Variants in RBFOX1 observed in about 807,000 individuals in gnomAD.
RBFOX1 encodes RNA binding protein fox-1 homolog 1.
A neutral mutation model predicts 57.7 loss-of-function variants in RBFOX1; 8 were observed. The observed-to-expected ratio is 0.14, with a 90% CI of 0.08 to 0.25. RBFOX1 has a LOEUF of 0.25. Among genes scored for constraint, RBFOX1 ranks in the 10% least tolerant of loss-of-function variants. RBFOX1 has a pLI of 1.00. For synonymous variants in RBFOX1, 326 were observed against 222.4 expected (o/e 1.47, Z -4.15); for missense variants, 611 against 548.5 (o/e 1.11, Z -1.14).
Position 7,126,261 on chromosome 16 carries a change from C to T in RBFOX1, c.27+74163C>T, listed in dbSNP as rs532457836. On this transcript the variant is annotated intron_variant, in intron 4 of 15. Transcript: ENST00000550418. ...TCCATTTTATTTTTCTCCAGAGTAT[C>T]GTGTGTCTTCAGTCTTGAAGGACTC... 26 of 274,268 alleles carry T rather than the reference C, an allele frequency of 9.5e-5. No individual in the cohort carries two copies. The South Asian group carries it at 1.2e-3, about 13-fold the overall frequency. 17.0% of individuals were successfully genotyped at this position (274,268 alleles called of 1,614,324 possible).
intron 4 of RBFOX1, among the ~76,000 whole-genome samples, chr16:7,150,537 C>T (rs1320981182): frequency 2.0e-5 from 3 of 152,198 alleles, no homozygotes; most frequent in Admixed American, 2.0e-4. Context: ...TAAGGGATGG[C>T]TACCGTGTGA....
At chr16:5,275,730 GC>G (rs2063124199) in intron 1 of RBFOX1, among the ~76,000 whole-genome samples, 1 of 152,116 alleles carries the variant, frequency 6.6e-6, no homozygotes, top group Non-Finnish European at 1.5e-5. Context: ...CATAGCCAAA[GC>G]AAAACTAAGC....
intron 3 of RBFOX1, among the ~76,000 whole-genome samples, chr16:6,678,084 A>G (rs1198152057): frequency 1.3e-5 from 2 of 152,194 alleles, no homozygotes; most frequent in African/African-American, 4.8e-5. Flanking sequence ...ATATAGCCAA[A>G]GTATTCTCAT....
chr16:6,723,837 A>G (rs1432320358), intron 3 of RBFOX1: 2 of 151,890 alleles, frequency 1.3e-5, no homozygotes, highest in African/African-American at 2.4e-5. Context: ...ACTGACCTGT[A>G]TGTTCTGCAC....
At chr16:6,873,473 C>A (rs563407090) in intron 3 of RBFOX1, among the ~76,000 whole-genome samples, 5 of 152,118 alleles carry the variant, frequency 3.3e-5, no homozygotes, top group Non-Finnish European at 5.9e-5. Flanking sequence ...TGTGTATCTT[C>A]TGCAATTGCA....
chr16:6,706,104 C>T (rs1225666838), intron 3 of RBFOX1, among the ~76,000 whole-genome samples: 1 of 152,166 alleles, frequency 6.6e-6, no homozygotes, highest in Admixed American at 6.5e-5. Flanking sequence ...GGATGCTTAG[C>T]CCCAGTGGCT....
In RBFOX1 at chr16:6,243,460, G is replaced by A. The variant is rs538117616; in HGVS notation, c.-126-73535G>A. On this transcript the variant is annotated intron_variant, in intron 1 of 15. Coordinates refer to ENST00000550418, the MANE Select transcript of RBFOX1 (RefSeq NM_018723.4). ...TGCTGTTTAAGCTTACGGTTTATGA[G>A]GAGACCTGCTTTCCAGCTGCAGCCT... Among the ~76,000 whole-genome samples, 5 of 152,224 alleles carry A rather than the reference G, an allele frequency of 3.3e-5. No individual in the cohort carries two copies. In the East Asian group the frequency reaches 7.7e-4, roughly 24 times the overall value.
chr16:6,815,088 G>A (rs1184154004), intron 3 of RBFOX1, among the ~76,000 whole-genome samples: 2 of 152,160 alleles, frequency 1.3e-5, no homozygotes, highest in East Asian at 1.9e-4. Flanking sequence ...GACTAGAACT[G>A]AGGGTTTCTC....
At chr16:6,974,330 CTTTTTCTTTTTTTTTTTTTTTT>C (rs1284539292) in intron 3 of RBFOX1, among the ~76,000 whole-genome samples, 5 of 55,158 alleles carry the variant, frequency 9.1e-5, no homozygotes, top group African/African-American at 1.3e-4. Context: ...ACATTTTTTT[CTTTTTCTTTTTTTTTTTTTTTT>C]TTTTTTTTTT....
intron 2 of RBFOX1, among the ~76,000 whole-genome samples, chr16:6,479,792 G>A (rs1016808418): frequency 6.6e-5 from 10 of 151,748 alleles, no homozygotes; most frequent in Non-Finnish European, 1.5e-4. Flanking sequence ...GCTCATGCCT[G>A]TAATCCCAGC....
intron 1 of RBFOX1, among the ~76,000 whole-genome samples, chr16:5,290,234 C>T (rs1270853432): frequency 6.6e-6 from 1 of 152,104 alleles, no homozygotes; most frequent in Non-Finnish European, 1.5e-5. Flanking sequence ...TGGTGGCAGA[C>T]GCCTCTAATC....
chr16:7,054,695 C>T (rs1290593027), intron 4 of RBFOX1, among the ~76,000 whole-genome samples: 1 of 152,104 alleles, frequency 6.6e-6, no homozygotes, highest in Non-Finnish European at 1.5e-5. Flanking sequence ...GTTACCACAT[C>T]GTTGAAGGGT....
intron 4 of RBFOX1, among the ~76,000 whole-genome samples, chr16:7,491,067 C>G (rs2066813724): frequency 6.6e-6 from 1 of 152,118 alleles, no homozygotes; most frequent in Admixed American, 6.5e-5. Context: ...CCAAATGGCT[C>G]ACACTTCTTA....
At chr16:5,626,972 C>T (rs1313878015) in intron 3 of RBFOX1, among the ~76,000 whole-genome samples, 1 of 152,170 alleles carries the variant, frequency 6.6e-6, no homozygotes, top group African/African-American at 2.4e-5. Flanking sequence ...GATAAATCAG[C>T]TTCCTTTTAA....
intron 1 of RBFOX1, among the ~76,000 whole-genome samples, chr16:6,237,681 C>G (rs2097515902): frequency 6.6e-6 from 1 of 151,678 alleles, no homozygotes; most frequent in Non-Finnish European, 1.5e-5. Flanking sequence ...ATGGAGGTTA[C>G]AGTGAGCCAC....
intron 2 of RBFOX1, among the ~76,000 whole-genome samples, chr16:6,330,626 C>T (rs2082905479): frequency 1.3e-5 from 2 of 152,226 alleles, no homozygotes; most frequent in Admixed American, 1.3e-4. Context: ...TAGGCATGTG[C>T]TAGCCGCGAG....
chr16:7,055,237 G>T (rs2153736087), intron 4 of RBFOX1, among the ~76,000 whole-genome samples: 1 of 152,230 alleles, frequency 6.6e-6, no homozygotes. Context: ...TTCTAACTCA[G>T]CTGACTACGC....
intron 3 of RBFOX1, among the ~76,000 whole-genome samples, chr16:6,734,849 A>T (rs1476412007): frequency 6.6e-6 from 1 of 152,200 alleles, no homozygotes; most frequent in Non-Finnish European, 1.5e-5. Context: ...CAGCAATGAA[A>T]AGATGAGTCA....
At chr16:6,485,450 C>G (rs1365387277) in intron 2 of RBFOX1, among the ~76,000 whole-genome samples, 1 of 151,996 alleles carries the variant, frequency 6.6e-6, no homozygotes, top group Non-Finnish European at 1.5e-5. Context: ...TCTGTCTTTA[C>G]TGTTTTACCT....
Sources: allele counts gnomAD v4.1 joint callset (sites outside exome capture counted in the v4.1 genomes callset), GRCh38; gene constraint gnomAD v4.1.1; transcripts MANE v1.5; gene names NCBI Gene and HGNC (gene_info 2026-07-23, HGNC 2026-07-21).